NECAB3: variants seen among roughly 807,000 people sequenced by gnomAD.
NECAB3 encodes N-terminal EF-hand calcium-binding protein 3.
A neutral mutation model predicts 57.2 loss-of-function variants in NECAB3; 38 were observed. That is an observed-to-expected ratio of 0.66 (90% CI 0.51 to 0.87). NECAB3 has a LOEUF of 0.87. NECAB3 is among the 40% of genes least tolerant of loss of function. The pLI is 0.00. For synonymous variants in NECAB3, 223 were observed against 222.6 expected, an observed-to-expected ratio of 1.00 and a Z score of -0.02; for missense variants, 474 against 527.5, an observed-to-expected ratio of 0.90 and a Z score of 0.99.
chr20:33,662,587 G>A (rs2017515392), intron 5 of NECAB3: 2 of 1,208,952 alleles, frequency 1.7e-6, no homozygotes, highest in South Asian at 1.5e-5. Context: ...AAGTCCTAGG[G>A]GGTGAGGGAG....
rs946697016 is a variant in NECAB3, at chr20:33,663,825, G to A, written c.388-3430C>T. ...CCCGCGAAGCCGGCCCCGCCGAGGA[G>A]CAGCCGCGCAAACGGTGCCGCTGCC... On this transcript the variant is annotated intron_variant, in intron 5 of 11. Coordinates refer to ENST00000246190, the MANE Select transcript of NECAB3 (RefSeq NM_031232.4). 1.4e-5 allele frequency: 20 copies of A among 1,413,872 alleles called. No homozygotes were observed. The South Asian group carries it at 2.9e-4, about 20-fold the overall frequency. The allele number at this position is 1,413,872 out of a possible 1,614,324, so 87.6% of individuals were successfully genotyped here. A position where few individuals can be genotyped will look rare whatever the true frequency, so the allele number is the denominator to read the frequency against.
At chr20:33,662,236 C>G in intron 5 of NECAB3, 1 of 1,429,794 alleles carries the variant, frequency 7.0e-7, no homozygotes, top group Admixed American at 2.3e-5. Context: ...AGGCGGTGCT[C>G]AGAGCCTGCA....
At chr20:33,673,779 G>A (rs955483577) in intron 1 of NECAB3, among the ~76,000 whole-genome samples, 4 of 152,152 alleles carry the variant, frequency 2.6e-5, no homozygotes, top group African/African-American at 9.7e-5. Context: ...CCCATGGGAG[G>A]GTGACTCTGA....
chr20:33,670,827 G>C, intron 2 of NECAB3, 35 bp from the exon 3 acceptor site: 1 of 1,531,906 alleles, frequency 6.5e-7, no homozygotes, highest in Non-Finnish European at 9.0e-7. Flanking sequence ...GAGCAGAGGA[G>C]GTATCCCTGA....
intron 5 of NECAB3, chr20:33,663,934 A>G: frequency 7.6e-7 from 1 of 1,321,194 alleles, no homozygotes; most frequent in South Asian, 1.7e-5. Context: ...ACCCTGTCGG[A>G]GGCGTCTGGG....
intron 5 of NECAB3, chr20:33,663,711 A>G: frequency 2.6e-6 from 4 of 1,533,318 alleles, no homozygotes; most frequent in Non-Finnish European, 3.5e-6. Context: ...TGCGGCGGCA[A>G]GAGGCGCGGC....
intron 2 of NECAB3, among the ~76,000 whole-genome samples, chr20:33,671,687 G>A (rs2017830065): frequency 6.6e-6 from 1 of 152,180 alleles, no homozygotes; most frequent in Admixed American, 6.5e-5. Flanking sequence ...GCAGCCTGTT[G>A]CTGGATGGGT....
Position 33,674,379 on chromosome 20 carries a change from T to A in NECAB3, c.-27A>T. On this transcript the variant is annotated 5_prime_UTR_variant, in exon 1 of 12. Transcript: ENST00000246190. ...GCGCCGCCACCCGCTCGGGCTCGGC[T>A]GCGGTTGCTGCCGACCCTGGACGCC... 1 of 1,157,978 alleles carries A rather than the reference T, an allele frequency of 8.6e-7. No individual in the cohort carries two copies. The highest frequency in any genetic ancestry group is 1.1e-6 in the Non-Finnish European group (1 of 940,672). The allele number at this position is 1,157,978 out of a possible 1,614,324, so 71.7% of individuals were successfully genotyped here. A position where few individuals can be genotyped will look rare whatever the true frequency, so the allele number is the denominator to read the frequency against.
intron 5 of NECAB3, chr20:33,664,526 G>T: frequency 6.0e-6 from 1 of 165,386 alleles, no homozygotes; most frequent in Admixed American, 6.0e-5. Context: ...TTCCCCACGT[G>T]ACAAAGACTA....
upstream of NECAB3, among the ~76,000 whole-genome samples, chr20:33,675,017 A>C (rs1048019441): frequency 1.3e-5 from 2 of 151,684 alleles, no homozygotes; most frequent in East Asian, 1.9e-4. Flanking sequence ...CCCCTGAATA[A>C]AGCTTAAGAC....
rs148599273 is a variant in NECAB3 at position 33,659,786 on chromosome 20, G to A, written c.644-54C>T. 428 of 1,534,860 alleles carry A rather than the reference G, an allele frequency of 2.8e-4. 1 individual carries two copies. In the African/African-American group the frequency reaches 5.2e-3, roughly 19 times the overall value. On this transcript the variant is annotated intron_variant, in intron 7 of 11. Coordinates refer to ENST00000246190, the MANE Select transcript of NECAB3 (RefSeq NM_031232.4). The stretch of plus-strand genomic sequence containing the variant: ...CAGGGGCCTCTCAGGTCCCGCAGGT[G>A]CTCAGAATGAAGTGAGGGGCAGTGA...
chr20:33,673,782 G>A (rs2017885117), intron 1 of NECAB3, among the ~76,000 whole-genome samples: 1 of 152,172 alleles, frequency 6.6e-6, no homozygotes. Context: ...ATGGGAGGGT[G>A]ACTCTGAGCA....
At chr20:33,670,648 G>A (rs2017809778) in intron 3 of NECAB3, 36 bp downstream of exon 3, 2 of 1,480,982 alleles carry the variant, frequency 1.4e-6, no homozygotes, top group Admixed American at 1.8e-5. Flanking sequence ...AGACAACCTG[G>A]CCTCGCATCT....
intron 10 of NECAB3, 103 bp downstream of exon 10, chr20:33,658,374 T>C (rs1269769274): frequency 3.2e-6 from 4 of 1,230,962 alleles, no homozygotes; most frequent in Non-Finnish European, 4.7e-6. Context: ...GTCACTCATC[T>C]GAGGTCACAG....
chr20:33,658,065 C>A, intron 10 of NECAB3, 32 bp from the exon 11 acceptor site: 1 of 1,531,894 alleles, frequency 6.5e-7, no homozygotes, highest in Admixed American at 2.0e-5. Context: ...TGACCTCGCT[C>A]TCCCCACTCC....
Position 33,660,426 on chromosome 20 carries a change from C to A in NECAB3, c.388-31G>T. On this transcript the variant is annotated intron_variant, in intron 5 of 11. Coordinates refer to ENST00000246190, the MANE Select transcript of NECAB3 (RefSeq NM_031232.4). This position sits in a 1 kb window ranked among gnomAD's most constrained non-coding sequence, Gnocchi z 4.1. ...GGCCAAGGAGGGACGGTCAGCATCT[C>A]CCAGCCCGGGCACTGATCTCTTGAG... The A allele has an allele frequency of 6.2e-7, 1 of 1,607,642 alleles. No homozygotes were observed. Among genetic ancestry groups the A allele is most frequent in the African/African-American group, 1.3e-5 (1 of 74,988 alleles).
chr20:33,670,644 C>T (rs1285083284), intron 3 of NECAB3, 40 bp downstream of exon 3: 1 of 1,460,530 alleles, frequency 6.8e-7, no homozygotes, highest in Admixed American at 1.8e-5. Context: ...GTAAAGACAA[C>T]CTGGCCTCGC....
chr20:33,662,144 TG>T, intron 5 of NECAB3: 1 of 621,876 alleles, frequency 1.6e-6, no homozygotes, highest in South Asian at 2.2e-5. Flanking sequence ...GCCTCATTTA[TG>T]ATCATTAGCC....
intron 5 of NECAB3, chr20:33,663,981 CGCA>C (rs1428502046): frequency 5.4e-6 from 5 of 924,662 alleles, no homozygotes; most frequent in Non-Finnish European, 7.5e-6. Context: ...GCCTAGGAGC[CGCA>C]GAGGGGTGAA....
Sources: allele counts gnomAD v4.1 joint callset (sites outside exome capture counted in the v4.1 genomes callset), GRCh38; gene constraint gnomAD v4.1.1; non-coding constraint Gnocchi (gnomAD v3.1); transcripts MANE v1.5; gene names NCBI Gene and HGNC (gene_info 2026-07-23, HGNC 2026-07-21).